LRRC34: variants seen among roughly 807,000 people sequenced by gnomAD.
LRRC34 encodes the protein leucine rich repeat containing 34, also known as leucine-rich repeat-containing protein 34.
LRRC34 carries 44 observed loss-of-function variants against 48.5 expected under a neutral mutation model. That is an observed-to-expected ratio of 0.91 (90% CI 0.71 to 1.17). The LOEUF (loss-of-function observed/expected upper bound fraction) is 1.17, where lower values mean the gene tolerates loss of function less well. Ranked by LOEUF, LRRC34 falls within the 50% of genes most tolerant of loss-of-function variation. The pLI, the probability that LRRC34 is intolerant of heterozygous loss-of-function variation, is 0.00. For synonymous variants in LRRC34, 192 were observed against 197.6 expected (o/e 0.97, Z 0.24); for missense variants, 502 against 563.0 (o/e 0.89, Z 1.10).
At chr3:169,801,039 CT>C in intron 6 of LRRC34, among the ~76,000 whole-genome samples, 1 of 152,288 alleles carries the variant, frequency 6.6e-6, no homozygotes, top group Non-Finnish European at 1.5e-5. Context: ...ACCCCTCAAG[CT>C]TCTATGTGGA....
At chr3:169,799,048 A>C (rs903398862) in intron 7 of LRRC34, among the ~76,000 whole-genome samples, 20 of 152,178 alleles carry the variant, frequency 1.3e-4, no homozygotes, top group Admixed American at 1.2e-3. Context: ...CTGCATGCCT[A>C]CTTTGAGCTG....
intron 5 of LRRC34, 83 bp from the exon 6 acceptor site, chr3:169,804,264 T>C: frequency 8.8e-7 from 1 of 1,132,140 alleles, no homozygotes; most frequent in East Asian, 2.7e-5. Flanking sequence ...TGTATTACTA[T>C]TTGCAGACTC....
chr3:169,798,741 TC>T (rs1779082672), intron 7 of LRRC34, among the ~76,000 whole-genome samples: 1 of 152,110 alleles, frequency 6.6e-6, no homozygotes, highest in Non-Finnish European at 1.5e-5. Context: ...AGAGATAAAA[TC>T]CAGAAATGTA....
rs769977078 is a variant in LRRC34, at chr3:169,795,521, G to A, written c.1155C>T (p.Tyr385=). ...MKTNLTFSHI[Y]IWGNKFDEAT... Reference sequence around the variant, plus strand: ...CCTCATCAAATTTGTTTCCCCAAATGTAGATATGAGAGAAAGTGAGATTTG... The same window carrying A: ...CCTCATCAAATTTGTTTCCCCAAATATAGATATGAGAGAAAGTGAGATTTG... The change falls in exon 10 of 11, where the codon TAC becomes TAT. Residue 385 remains tyrosine, a synonymous_variant. Coordinates refer to ENST00000446859, the MANE Select transcript of LRRC34 (RefSeq NM_001172779.2). 11 of 1,612,322 alleles carry A rather than the reference G, an allele frequency of 6.8e-6. No homozygotes were observed. The South Asian group carries it at 7.7e-5, about 11-fold the overall frequency.
In LRRC34 at chr3:169,793,534, AAAG is replaced by A; in HGVS notation, c.*98_*100del. The stretch of plus-strand genomic sequence containing the variant: ...GTCATTATCTTTTACACATTTGAAA[AAAG>A]TAACTTGTTTTAATTTATAAAAGAA... On this transcript the variant is annotated 3_prime_UTR_variant, in exon 11 of 11. Coordinates refer to ENST00000446859, the MANE Select transcript of LRRC34 (RefSeq NM_001172779.2). 1.1e-6 allele frequency: 1 copy of A among 870,914 alleles called. No homozygotes were observed. The highest frequency in any genetic ancestry group is 1.7e-6 in the Non-Finnish European group (1 of 579,184). 53.9% of individuals were successfully genotyped at this position (870,914 alleles called of 1,614,324 possible).
intron 6 of LRRC34, among the ~76,000 whole-genome samples, chr3:169,803,225 A>G (rs1779257116): frequency 6.6e-6 from 1 of 152,128 alleles, no homozygotes; most frequent in Non-Finnish European, 1.5e-5. Context: ...ATTTTTAGAG[A>G]CAGGGTCTTA....
chr3:169,807,802 G>A (rs929413279), intron 2 of LRRC34, 93 bp from the exon 3 acceptor site: 5 of 1,315,590 alleles, frequency 3.8e-6, no homozygotes, highest in Non-Finnish European at 4.0e-6. Context: ...TGTATAAATA[G>A]TCATATCACA....
chr3:169,809,472 C>T (rs547602144), intron 1 of LRRC34, among the ~76,000 whole-genome samples: 1 of 152,258 alleles, frequency 6.6e-6, no homozygotes, highest in East Asian at 1.9e-4. Context: ...TGACTTTTCC[C>T]TAAGTTCTTA....
In LRRC34 at chr3:169,812,421, G is replaced by A; in HGVS notation, c.128C>T (p.Ala43Val). ...TQASTPGAAL[A>V]VQRESPESGL... ...TCCCTACTTCTTACCGCGCTGGACC[G>A]CCAGGGCCGCGCCCGGAGTACTGGC... Residue 43 changes from alanine to valine, a missense_variant, in exon 1 of 11, where the codon GCG becomes GTG. Transcript: ENST00000446859. The surrounding 1 kb of genome is among the most constrained non-coding windows in gnomAD (Gnocchi z 4.3). The A allele has an allele frequency of 6.5e-7, 1 of 1,528,276 alleles. No homozygotes were observed. Among genetic ancestry groups the A allele is most frequent in the Non-Finnish European group, 8.7e-7 (1 of 1,144,360 alleles). The allele number at this position is 1,528,276 out of a possible 1,614,324, so 94.7% of individuals were successfully genotyped here. A position where few individuals can be genotyped will look rare whatever the true frequency, so the allele number is the denominator to read the frequency against.
At chr3:169,799,689 C>T (rs1779121412) in intron 7 of LRRC34, among the ~76,000 whole-genome samples, 1 of 150,724 alleles carries the variant, frequency 6.6e-6, no homozygotes, top group Non-Finnish European at 1.5e-5. Flanking sequence ...AATTCAAACA[C>T]TGACATTGAT....
In LRRC34 at chr3:169,798,727, CCA is replaced by C. The variant is rs1779082386; in HGVS notation, c.754-1830_754-1829del. Among the ~76,000 whole-genome samples the C allele has an allele frequency of 2.0e-5, 3 of 152,272 alleles. No individual in the cohort carries two copies. In the South Asian group the frequency reaches 6.2e-4, roughly 32 times the overall value. On this transcript the variant is annotated intron_variant, in intron 7 of 10. Coordinates refer to ENST00000446859, the MANE Select transcript of LRRC34 (RefSeq NM_001172779.2). The stretch of plus-strand genomic sequence containing the variant: ...TGATCTCCTATATATAAACATATTT[CCA>C]CAGAGATAAAATCCAGAAATGTATT...
Position 169,807,721 on chromosome 3 carries a change from C to CAAA in LRRC34, c.258-15_258-13dup, listed in dbSNP as rs377198673. The stretch of plus-strand genomic sequence containing the variant: ...TTCCTGCTGCTAGCCTGTTAAAATA[C>CAAA]AAAAAAAAAAAAAAAAAAAAAAGAT... On this transcript the variant is annotated splice_polypyrimidine_tract_variant and intron_variant, in intron 2 of 10. Coordinates refer to ENST00000446859, the MANE Select transcript of LRRC34 (RefSeq NM_001172779.2). 1.8e-3 allele frequency: 1,616 copies of CAAA among 882,542 alleles called. 16 individuals are homozygous for CAAA. The highest frequency in any genetic ancestry group is 3.6e-3 in the South Asian group (86 of 24,138). 54.7% of individuals were successfully genotyped at this position (882,542 alleles called of 1,614,324 possible).
chr3:169,795,416 A>C, intron 10 of LRRC34, 69 bp downstream of exon 10: 2 of 1,485,116 alleles, frequency 1.3e-6, no homozygotes, highest in South Asian at 1.4e-5. Flanking sequence ...GGCACCTGTA[A>C]ATAATATCTG....
At position 169,812,560 on chromosome 3, in the gene LRRC34, G is replaced by T. The variant is rs114163782; in HGVS notation, c.-12C>A. On this transcript the variant is annotated 5_prime_UTR_variant, in exon 1 of 11. Coordinates refer to ENST00000446859, the MANE Select transcript of LRRC34 (RefSeq NM_001172779.2). The surrounding 1 kb of genome is among the most constrained non-coding windows in gnomAD (Gnocchi z 4.3). ...GGCTGCGCTGCCATGGCGACCGCGC[G>T]CGCACTTACAGTCCGCCTGCAGCTG... 2.0e-6 allele frequency: 3 copies of T among 1,475,640 alleles called. No individual in the cohort carries two copies. The African/African-American group carries it at 4.4e-5, about 22-fold the overall frequency. 91.4% of individuals were successfully genotyped at this position (1,475,640 alleles called of 1,614,324 possible).
Position 169,800,702 on chromosome 3 carries a change from A to C in LRRC34, c.710T>G (p.Ile237Ser). The part of the protein sequence containing the change: ...FATVLTQNQA[I>S]KAINLNRPIL... ...AGGTCGGTTTAGGTTTATTGCCTTA[A>C]TTGCTTGGTTTTGAGTTAGTACTGT... The change falls in exon 7 of 11, where the codon ATT (isoleucine) becomes AGT (serine). Residue 237 changes from isoleucine (I) to serine (S), a missense_variant. Coordinates refer to ENST00000446859, the MANE Select transcript of LRRC34 (RefSeq NM_001172779.2). 1 of 1,535,298 alleles carries C rather than the reference A, an allele frequency of 6.5e-7. No individual in the cohort carries two copies. The highest frequency in any genetic ancestry group is 1.2e-5 in the South Asian group (1 of 84,022).
Position 169,795,468 on chromosome 3 carries a change from A to T in LRRC34, c.1191+17T>A. 1 of 1,587,186 alleles carries T rather than the reference A, an allele frequency of 6.3e-7. No homozygotes were observed. The highest frequency in any genetic ancestry group is 2.3e-5 in the East Asian group (1 of 44,290). Reference sequence around the variant, plus strand: ...CCCAGAAAAAGCCTTCAGTGAAGGAAAAAACTTAAAACTTACTATACACGT... The same window carrying T: ...CCCAGAAAAAGCCTTCAGTGAAGGATAAAACTTAAAACTTACTATACACGT... On this transcript the variant is annotated intron_variant, in intron 10 of 10. Transcript: ENST00000446859.
chr3:169,811,092 C>A (rs1779550108), intron 1 of LRRC34, among the ~76,000 whole-genome samples: 1 of 152,094 alleles, frequency 6.6e-6, no homozygotes, highest in Admixed American at 6.6e-5. Context: ...AAAACAAAAA[C>A]CTCACTTGGA....
intron 6 of LRRC34, among the ~76,000 whole-genome samples, chr3:169,803,125 T>A (rs1400126196): frequency 6.6e-6 from 1 of 152,178 alleles, no homozygotes; most frequent in African/African-American, 2.4e-5. Flanking sequence ...TCAGAGAAAG[T>A]GAAGCCTGGA....
chr3:169,812,853 C>G lies in LRRC34; in HGVS notation c.-305G>C, dbSNP rs1265732024. ...AAGCCCGCTCCTACAAAGTGTGCACCGGCCTGCCGGGCCAGCGAAGAAGCA... is the reference window on the plus strand; with the variant it reads ...AAGCCCGCTCCTACAAAGTGTGCACGGGCCTGCCGGGCCAGCGAAGAAGCA... On this transcript the variant is annotated 5_prime_UTR_variant, in exon 1 of 11. Transcript: ENST00000446859. The surrounding 1 kb of genome is among the most constrained non-coding windows in gnomAD (Gnocchi z 4.3). 9 of 364,788 alleles carry G rather than the reference C, an allele frequency of 2.5e-5. No individual in the cohort carries two copies. The highest frequency in any genetic ancestry group is 4.8e-5 in the Admixed American group (1 of 20,648). The allele number at this position is 364,788 out of a possible 1,614,324, so 22.6% of individuals were successfully genotyped here.
Sources: allele counts gnomAD v4.1 joint callset (sites outside exome capture counted in the v4.1 genomes callset), GRCh38; gene constraint gnomAD v4.1.1; non-coding constraint Gnocchi (gnomAD v3.1); transcripts MANE v1.5; gene names NCBI Gene and HGNC (gene_info 2026-07-23, HGNC 2026-07-21).